The following UNC5C variants were observed in gnomAD, a reference collection of about 807,000 sequenced individuals.
UNC5C encodes the protein netrin receptor UNC5C.
In UNC5C, 47 loss-of-function variants were observed where a neutral mutation model predicts 99.8. That is an observed-to-expected ratio of 0.47 (90% confidence interval 0.37 to 0.60). UNC5C has a LOEUF of 0.60. UNC5C is among the 20% of genes least tolerant of loss of function. UNC5C has a pLI of 0.00. For missense variants in UNC5C, 1,062 were observed against 1,165.9 expected, an observed-to-expected ratio of 0.91 and a Z score of 1.30; for synonymous variants, 487 against 452.2, an observed-to-expected ratio of 1.08 and a Z score of -0.98.
intron 2 of UNC5C, among the ~76,000 whole-genome samples, chr4:95,334,977 T>C (rs1743276129): frequency 1.3e-5 from 2 of 151,986 alleles, no homozygotes. Context: ...TTAACAAATA[T>C]AAGGGCAAAC....
chr4:95,320,670 T>G (rs1440951100), intron 2 of UNC5C, among the ~76,000 whole-genome samples: 1 of 152,174 alleles, frequency 6.6e-6, no homozygotes, highest in East Asian at 1.9e-4. Flanking sequence ...TTCAGTAGCA[T>G]GTTATCTGGA....
intron 14 of UNC5C, among the ~76,000 whole-genome samples, chr4:95,175,428 G>A (rs1453619343): frequency 6.6e-6 from 1 of 151,414 alleles, no homozygotes; most frequent in African/African-American, 2.4e-5. Flanking sequence ...AGCTCTTTTA[G>A]GGCAGGCCTG....
intron 3 of UNC5C, among the ~76,000 whole-genome samples, 169 bp downstream of exon 3, chr4:95,301,437 C>T (rs1197761225): frequency 5.3e-5 from 8 of 151,998 alleles, no homozygotes; most frequent in Admixed American, 1.3e-4. Flanking sequence ...CCTTGTGATC[C>T]GCCCACCTCG....
At chr4:95,328,832 A>G (rs1053637060) in intron 2 of UNC5C, among the ~76,000 whole-genome samples, 1 of 152,194 alleles carries the variant, frequency 6.6e-6, no homozygotes, top group Non-Finnish European at 1.5e-5. Context: ...ACAACCAAAA[A>G]AGAAAATTTT....
At chr4:95,374,418 G>A (rs2626040) in intron 1 of UNC5C, among the ~76,000 whole-genome samples, 73,113 of 151,872 alleles carry the variant, frequency 0.48, 18,567 homozygotes, top group East Asian at 0.78. Context: ...GTTGCCATAA[G>A]CAGCCCTGCA....
intron 5 of UNC5C, chr4:95,248,599 C>T: frequency 2.2e-6 from 1 of 451,678 alleles, no homozygotes; most frequent in Non-Finnish European, 4.4e-6. Flanking sequence ...GATCTTGAGC[C>T]CGCTGTTTCT....
At chr4:95,507,802 T>C (rs1170539581) in intron 1 of UNC5C, among the ~76,000 whole-genome samples, 1 of 152,088 alleles carries the variant, frequency 6.6e-6, no homozygotes, top group Non-Finnish European at 1.5e-5. Context: ...TTCTTCTGTA[T>C]GAGTTCCTCA....
chr4:95,185,161 C>T lies in UNC5C; in HGVS notation c.2172G>A (p.Gln724=). 6.2e-7 allele frequency: 1 copy of T among 1,613,290 alleles called. No homozygotes were observed. The change falls in exon 13 of 16, where the codon CAG becomes CAA. Residue 724 remains glutamine, a synonymous_variant. Transcript: ENST00000453304. ...GAAGAGCCTTAGGTTCTTCTAGGAG[C>T]TGTCCTCCCATCTGTCTCTCAAGAT... The part of the protein sequence containing the change: ...ILHLERQMGG[Q]LLEEPKALHF...
chr4:95,195,976 A>G (rs908312785), intron 12 of UNC5C, among the ~76,000 whole-genome samples: 7 of 152,186 alleles, frequency 4.6e-5, no homozygotes, highest in African/African-American at 1.7e-4. Context: ...CAGAAATTCA[A>G]TAAATATCAT....
chr4:95,301,528 T>C, intron 3 of UNC5C, 78 bp downstream of exon 3: 1 of 1,590,710 alleles, frequency 6.3e-7, no homozygotes, highest in East Asian at 2.2e-5. Context: ...TCTTTGGTGC[T>C]GGAGTAGTCA....
intron 1 of UNC5C, among the ~76,000 whole-genome samples, chr4:95,458,953 A>G (rs2149470149): frequency 6.6e-6 from 1 of 152,238 alleles, no homozygotes; most frequent in African/African-American, 2.4e-5. Flanking sequence ...ATTATAATTT[A>G]TTGGTGATTG....
intron 1 of UNC5C, among the ~76,000 whole-genome samples, chr4:95,473,889 T>C (rs1037794559): frequency 2.0e-5 from 3 of 152,106 alleles, no homozygotes; most frequent in African/African-American, 7.2e-5. Context: ...GTTAGGATAA[T>C]AGTTTCCACC....
intron 1 of UNC5C, among the ~76,000 whole-genome samples, chr4:95,436,064 G>C (rs367817805): frequency 6.6e-6 from 1 of 151,698 alleles, no homozygotes; most frequent in Non-Finnish European, 1.5e-5. Context: ...CAATTTAAAA[G>C]TGTCCTATAA....
At chr4:95,378,033 T>A (rs1744947280) in intron 1 of UNC5C, among the ~76,000 whole-genome samples, 1 of 152,174 alleles carries the variant, frequency 6.6e-6, no homozygotes, top group Non-Finnish European at 1.5e-5. Flanking sequence ...TCTTATTAGA[T>A]GGAAGCTCAC....
At chr4:95,534,450 C>T (rs12645399) in intron 1 of UNC5C, among the ~76,000 whole-genome samples, 49,080 of 151,912 alleles carry the variant, frequency 0.32, 9,494 homozygotes, top group Middle Eastern at 0.44. Context: ...AAAGAAATGT[C>T]ACAGTGAACC....
At chr4:95,469,835 A>G (rs1278101695) in intron 1 of UNC5C, among the ~76,000 whole-genome samples, 1 of 152,156 alleles carries the variant, frequency 6.6e-6, no homozygotes, top group Non-Finnish European at 1.5e-5. Flanking sequence ...CATCACTTTT[A>G]CCGTGGTACA....
chr4:95,236,977 A>T (rs1159393461), intron 7 of UNC5C, among the ~76,000 whole-genome samples: 3 of 152,194 alleles, frequency 2.0e-5, no homozygotes, highest in African/African-American at 7.2e-5. Context: ...AAAATCAGAG[A>T]TTGCTCAAGT....
At chr4:95,386,238 T>G (rs1042237286) in intron 1 of UNC5C, among the ~76,000 whole-genome samples, 6 of 152,156 alleles carry the variant, frequency 3.9e-5, no homozygotes, top group Non-Finnish European at 7.3e-5. Context: ...ATTATTATAC[T>G]TTAAGTTTTA....
intron 1 of UNC5C, among the ~76,000 whole-genome samples, chr4:95,340,679 A>C (rs1225548344): frequency 6.6e-6 from 1 of 152,066 alleles, no homozygotes; most frequent in Non-Finnish European, 1.5e-5. Context: ...TTTGCTTTTA[A>C]AGAAATACTT....
Sources: gnomAD v4.1 joint callset for allele counts (sites outside exome capture counted in the v4.1 genomes callset) on GRCh38, gnomAD v4.1.1 for gene constraint, MANE v1.5 for transcripts, NCBI Gene and HGNC (gene_info 2026-07-23, HGNC 2026-07-21) for gene names.